Variants in CCSER1 observed in about 807,000 individuals in gnomAD.
CCSER1 encodes the protein coiled-coil serine rich protein 1.
A neutral mutation model predicts 82.0 loss-of-function variants in CCSER1; 41 were observed. The observed-to-expected ratio is 0.50, with a 90% CI of 0.39 to 0.65. The LOEUF (loss-of-function observed/expected upper bound fraction) is 0.65. CCSER1 is among the 30% of genes least tolerant of loss of function. The pLI is 0.00. For synonymous variants in CCSER1, 414 were observed against 383.9 expected (o/e 1.08, Z -0.92); for missense variants, 1,119 against 1,064.2 (o/e 1.05, Z -0.72).
chr4:91,376,252 A>G (rs1750404741), intron 10 of CCSER1, among the ~76,000 whole-genome samples: 1 of 152,198 alleles, frequency 6.6e-6, no homozygotes, highest in African/African-American at 2.4e-5. Flanking sequence ...TGATTGCATC[A>G]TTGTACAAGC....
At chr4:90,269,314 A>G (rs1725822085) in intron 1 of CCSER1, among the ~76,000 whole-genome samples, 1 of 152,122 alleles carries the variant, frequency 6.6e-6, no homozygotes, top group African/African-American at 2.4e-5. Context: ...CATTTAATAT[A>G]ATTGAAATCA....
At chr4:91,573,116 G>A (rs947044228) in intron 10 of CCSER1, among the ~76,000 whole-genome samples, 1 of 152,170 alleles carries the variant, frequency 6.6e-6, no homozygotes, top group Non-Finnish European at 1.5e-5. Context: ...ACCACATTGT[G>A]GTAGAGCAGT....
intron 9 of CCSER1, among the ~76,000 whole-genome samples, chr4:90,988,873 GT>G (rs1315592347): frequency 2.6e-5 from 4 of 151,670 alleles, no homozygotes; most frequent in Non-Finnish European, 5.9e-5. Context: ...GTTTTGTGGG[GT>G]TTTTTATTTT....
chr4:91,349,841 G>C (rs1193598209), intron 10 of CCSER1, among the ~76,000 whole-genome samples: 1 of 141,838 alleles, frequency 7.1e-6, no homozygotes, highest in East Asian at 1.9e-4. Context: ...TCAGCAATTT[G>C]TCAATTACAG....
intron 1 of CCSER1, among the ~76,000 whole-genome samples, chr4:90,193,180 A>G (rs1735967807): frequency 6.6e-6 from 1 of 152,126 alleles, no homozygotes; most frequent in Non-Finnish European, 1.5e-5. Context: ...TTGAACCATT[A>G]GACTGATTCT....
At chr4:91,198,294 A>G (rs1441212050) in intron 10 of CCSER1, among the ~76,000 whole-genome samples, 1 of 152,188 alleles carries the variant, frequency 6.6e-6, no homozygotes, top group Admixed American at 6.5e-5. Flanking sequence ...AGGTGCAACA[A>G]TGTGACATAA....
At chr4:91,430,963 G>T (rs530505796) in intron 10 of CCSER1, among the ~76,000 whole-genome samples, 1 of 152,180 alleles carries the variant, frequency 6.6e-6, no homozygotes, top group Non-Finnish European at 1.5e-5. Flanking sequence ...TTGGCCGGGC[G>T]TGGTGGCTCA....
intron 7 of CCSER1, among the ~76,000 whole-genome samples, chr4:90,765,119 T>A (rs1421001408): frequency 2.0e-5 from 3 of 152,092 alleles, no homozygotes; most frequent in Non-Finnish European, 4.4e-5. Flanking sequence ...ACATAATTCT[T>A]AGCAAATAGG....
intron 6 of CCSER1, among the ~76,000 whole-genome samples, chr4:90,685,567 G>T (rs1308268093): frequency 6.6e-6 from 1 of 152,048 alleles, no homozygotes; most frequent in Non-Finnish European, 1.5e-5. Flanking sequence ...ACATTCTCCA[G>T]AATGGGAAAA....
intron 10 of CCSER1, among the ~76,000 whole-genome samples, chr4:91,360,279 T>A (rs1749161642): frequency 6.6e-6 from 1 of 151,726 alleles, no homozygotes; most frequent in South Asian, 2.1e-4. Context: ...GGTAAACACA[T>A]GATTGCATAA....
intron 10 of CCSER1, among the ~76,000 whole-genome samples, chr4:91,285,959 C>T (rs999508040): frequency 6.6e-6 from 1 of 150,692 alleles, no homozygotes; most frequent in Non-Finnish European, 1.5e-5. Flanking sequence ...TTGATTCTAG[C>T]GTGTTTGTTT....
intron 9 of CCSER1, among the ~76,000 whole-genome samples, chr4:90,943,275 ATATTCCT>A: frequency 6.6e-6 from 1 of 152,314 alleles, no homozygotes; most frequent in Middle Eastern, 3.4e-3. Flanking sequence ...CGTGGTTCAT[ATATTCCT>A]TAAAAAGTTA....
chr4:91,169,746 T>G (rs1343412605), intron 10 of CCSER1, among the ~76,000 whole-genome samples: 2 of 151,974 alleles, frequency 1.3e-5, no homozygotes, highest in Non-Finnish European at 2.9e-5. Flanking sequence ...CAACAAGAAA[T>G]AAAACTTTCT....
intron 6 of CCSER1, among the ~76,000 whole-genome samples, chr4:90,645,102 A>T (rs1478954007): frequency 6.6e-6 from 1 of 151,924 alleles, no homozygotes; most frequent in Non-Finnish European, 1.5e-5. Context: ...AAAAAGAAAA[A>T]AAGACACGAT....
chr4:90,489,383 A>G (rs75773594), intron 5 of CCSER1, among the ~76,000 whole-genome samples: 2,449 of 152,204 alleles, frequency 0.016, 39 homozygotes, highest in African/African-American at 0.047. Flanking sequence ...ACCCCTTTAA[A>G]ACAGTTTTAG....
intron 9 of CCSER1, among the ~76,000 whole-genome samples, chr4:91,061,381 A>C (rs1743938046): frequency 6.6e-6 from 1 of 151,930 alleles, no homozygotes; most frequent in Non-Finnish European, 1.5e-5. Flanking sequence ...CGGTGGCTCC[A>C]GCTTTGGGTC....
intron 10 of CCSER1, among the ~76,000 whole-genome samples, chr4:91,204,929 C>T (rs1736220224): frequency 6.6e-6 from 1 of 151,516 alleles, no homozygotes; most frequent in African/African-American, 2.4e-5. Context: ...CTTTAAGTAA[C>T]AATAAAATGC....
At chr4:90,444,764 G>C (rs1033658042) in intron 4 of CCSER1, among the ~76,000 whole-genome samples, 1 of 151,964 alleles carries the variant, frequency 6.6e-6, no homozygotes, top group African/African-American at 2.4e-5. Flanking sequence ...CATGTTTTAT[G>C]TACATATAGT....
intron 5 of CCSER1, among the ~76,000 whole-genome samples, chr4:90,540,958 C>T (rs913343177): frequency 1.3e-4 from 20 of 152,064 alleles, no homozygotes; most frequent in Middle Eastern, 3.2e-3. Context: ...CTATGAAATA[C>T]TCCTCTCTTT....
Sources: allele counts gnomAD v4.1 joint callset (sites outside exome capture counted in the v4.1 genomes callset), GRCh38; gene constraint gnomAD v4.1.1; transcripts MANE v1.5; gene names NCBI Gene and HGNC (gene_info 2026-07-23, HGNC 2026-07-21).